The following SRFBP1 variants were observed in gnomAD, a reference collection of about 807,000 sequenced individuals.
SRFBP1 encodes serum response factor-binding protein 1.
Under a neutral mutation model 45.5 loss-of-function variants are expected in SRFBP1, and 47 were observed. The ratio of observed to expected loss-of-function variants is 1.03; its 90% CI spans 0.82 to 1.32. The LOEUF is 1.32. Ranked by LOEUF, SRFBP1 falls within the 40% of genes most tolerant of loss-of-function variation. The probability of loss-of-function intolerance (pLI) is 0.00; values close to 1 mark genes in which losing one functional copy is unlikely to be tolerated. For missense variants in SRFBP1, 621 were observed against 484.6 expected (o/e 1.28, Z -2.64); for synonymous variants, 203 against 166.3 (o/e 1.22, Z -1.70).
At chr5:121,965,049 T>C (rs924664443) in intron 1 of SRFBP1, among the ~76,000 whole-genome samples, 6 of 152,238 alleles carry the variant, frequency 3.9e-5, no homozygotes, top group African/African-American at 1.4e-4. Flanking sequence ...TGTTTTTTTC[T>C]TGTAAATTTG....
rs561911767 is a variant in SRFBP1 at position 121,964,697 on chromosome 5, G to T, written c.36+2629G>T. On this transcript the variant is annotated intron_variant, in intron 1 of 7. Coordinates refer to ENST00000339397, the MANE Select transcript of SRFBP1 (RefSeq NM_152546.3). ...GTAGTAGAATGATTTATAATCCTTA[G>T]GTATATAGCCAATAATGGGATTGCT... Among the ~76,000 whole-genome samples the T allele has an allele frequency of 2.6e-5, 4 of 152,218 alleles. No individual in the cohort carries two copies. The South Asian group carries it at 8.3e-4, about 32-fold the overall frequency.
chr5:122,025,848 C>T (rs1442251613), intron 7 of SRFBP1, among the ~76,000 whole-genome samples: 1 of 152,162 alleles, frequency 6.6e-6, no homozygotes, highest in Non-Finnish European at 1.5e-5. Context: ...TGCCTGTAAT[C>T]CCAGCACTTT....
chr5:121,994,771 G>C, intron 4 of SRFBP1, 101 bp downstream of exon 4: 1 of 729,184 alleles, frequency 1.4e-6, no homozygotes, highest in Non-Finnish European at 2.2e-6. Flanking sequence ...CATGCTATTA[G>C]TTTGTAATTA....
chr5:121,977,974 A>T (rs1752338118), intron 3 of SRFBP1, among the ~76,000 whole-genome samples: 1 of 152,158 alleles, frequency 6.6e-6, no homozygotes, highest in African/African-American at 2.4e-5. Context: ...TTGCCTTCTA[A>T]AACAGTTTCT....
At chr5:121,981,721 T>A (rs1024376681) in intron 3 of SRFBP1, among the ~76,000 whole-genome samples, 1 of 152,010 alleles carries the variant, frequency 6.6e-6, no homozygotes. Context: ...TAGGAAACTT[T>A]CCCTGGCACT....
At chr5:122,000,453 TA>T (rs1474579037) in intron 4 of SRFBP1, among the ~76,000 whole-genome samples, 1 of 152,126 alleles carries the variant, frequency 6.6e-6, no homozygotes, top group East Asian at 1.9e-4. Context: ...TGAAGACTCT[TA>T]AAATATCTTG....
At chr5:121,971,581 T>G (rs1752199086) in intron 1 of SRFBP1, among the ~76,000 whole-genome samples, 1 of 151,806 alleles carries the variant, frequency 6.6e-6, no homozygotes, top group Admixed American at 6.6e-5. Flanking sequence ...CTAAAAGGAG[T>G]GATCTCAGCT....
chr5:121,971,248 A>T lies in SRFBP1; in HGVS notation c.37-2948A>T, dbSNP rs557754982. On this transcript the variant is annotated intron_variant, in intron 1 of 7. Transcript: ENST00000339397. ...AGGCAAGAAGAACAGGTGTGGAGAA[A>T]CCGGTTAACAGTAACTCAGCCAAGA... 2.6e-4 allele frequency among the ~76,000 whole-genome samples: 40 copies of T among 152,140 alleles called. 1 individual carries two copies. In the South Asian group the frequency reaches 8.3e-3, roughly 32 times the overall value.
intron 2 of SRFBP1, chr5:122,070,281 G>A: frequency 1.4e-6 from 1 of 709,378 alleles, no homozygotes; most frequent in East Asian, 2.6e-5. Context: ...ACTTAAGTAA[G>A]TGGTTAAACT....
chr5:121,964,204 T>G (rs547796633), intron 1 of SRFBP1, among the ~76,000 whole-genome samples: 1 of 152,264 alleles, frequency 6.6e-6, no homozygotes, highest in South Asian at 2.1e-4. Flanking sequence ...TCTTTTTTTT[T>G]TATATGTATA....
At chr5:121,990,552 A>G (rs192296538) in intron 3 of SRFBP1, among the ~76,000 whole-genome samples, 182 of 152,298 alleles carry the variant, frequency 1.2e-3, no homozygotes, top group African/African-American at 4.0e-3. Flanking sequence ...AAATCTGTAC[A>G]TGTACCCTTG....
chr5:122,014,526 C>T (rs1401599867), intron 4 of SRFBP1, among the ~76,000 whole-genome samples: 1 of 149,880 alleles, frequency 6.7e-6, no homozygotes, highest in East Asian at 1.9e-4. Context: ...ACAAAGATTG[C>T]AACATAAAAA....
intron 4 of SRFBP1, among the ~76,000 whole-genome samples, chr5:122,005,835 G>T (rs187992888): frequency 1.3e-5 from 2 of 151,988 alleles, no homozygotes; most frequent in African/African-American, 4.8e-5. Context: ...CTGCATTTAG[G>T]TGTTATAATT....
At chr5:122,014,419 A>G (rs1470863597) in intron 4 of SRFBP1, among the ~76,000 whole-genome samples, 1 of 152,120 alleles carries the variant, frequency 6.6e-6, no homozygotes, top group Non-Finnish European at 1.5e-5. Context: ...GACAACTACA[A>G]TGTGAGTGAC....
At chr5:122,047,499 CTTTTG>C (rs1753885303) in intron 2 of SRFBP1, among the ~76,000 whole-genome samples, 1 of 152,112 alleles carries the variant, frequency 6.6e-6, no homozygotes, top group Admixed American at 6.5e-5. Context: ...CAGCTTTGTT[CTTTTG>C]GCTTAGGATT....
intron 1 of SRFBP1, among the ~76,000 whole-genome samples, chr5:121,967,769 A>G (rs1752104221): frequency 6.6e-6 from 1 of 152,170 alleles, no homozygotes; most frequent in Non-Finnish European, 1.5e-5. Flanking sequence ...CGGGAGGGGG[A>G]CGGAGGTTGT....
At chr5:121,965,121 T>G (rs1580493850) in intron 1 of SRFBP1, among the ~76,000 whole-genome samples, 1 of 152,228 alleles carries the variant, frequency 6.6e-6, no homozygotes, top group East Asian at 1.9e-4. Context: ...TGCAAAAATT[T>G]TCTCCCATTC....
At chr5:121,978,347 A>C (rs535236879) in intron 3 of SRFBP1, among the ~76,000 whole-genome samples, 1 of 152,198 alleles carries the variant, frequency 6.6e-6, no homozygotes, top group Admixed American at 6.5e-5. Context: ...TGATATATCC[A>C]GACTCACTTT....
rs151268258 is a variant in SRFBP1 at position 122,057,319 on chromosome 5, A to G, written n.312-17996A>G. On this transcript the variant is annotated intron_variant and non_coding_transcript_variant, in intron 2 of 2. Transcript: ENST00000504881. ...ATATCTTTCATGAGATTCCAAAACT[A>G]TCTCGAATTACTATCAGAAGAAAAG... Among the ~76,000 whole-genome samples the G allele has an allele frequency of 7.7e-4, 117 of 152,330 alleles. 1 individual carries two copies. The highest frequency in any genetic ancestry group is 2.7e-3 in the African/African-American group (114 of 41,578).
Sources: gnomAD v4.1 joint callset for allele counts (sites outside exome capture counted in the v4.1 genomes callset) on GRCh38, gnomAD v4.1.1 for gene constraint, MANE v1.5 for transcripts, NCBI Gene and HGNC (gene_info 2026-07-23, HGNC 2026-07-21) for gene names.